SLC67A2: variants seen among roughly 807,000 people sequenced by gnomAD.
SLC67A2 encodes solute carrier family 67 member A2.
At chr2:102,725,261 C>T in the SLC67A2 span, among the ~76,000 whole-genome samples, 1 of 152,196 alleles carries the variant, frequency 6.6e-6, no homozygotes, top group Admixed American at 6.5e-5. Flanking sequence ...CCGTGGCTTG[C>T]TCCTGTTCAC....
At chr2:102,724,996 G>C in the SLC67A2 span, among the ~76,000 whole-genome samples, 1 of 152,204 alleles carries the variant, frequency 6.6e-6, no homozygotes, top group African/African-American at 2.4e-5. Flanking sequence ...GATTCTTTTT[G>C]AAATTGTATT....
chr2:102,725,182 G>A, the SLC67A2 span, among the ~76,000 whole-genome samples: 2 of 152,100 alleles, frequency 1.3e-5, no homozygotes, highest in Non-Finnish European at 1.5e-5. Flanking sequence ...TGAAGTCAGT[G>A]GTTCCTTTTT....
the SLC67A2 span, chr2:102,736,794 T>TGACCCCCAAGCTCCATACCC: frequency 6.2e-7 from 1 of 1,612,556 alleles, no homozygotes; most frequent in Non-Finnish European, 8.5e-7. Flanking sequence ...CATGTCCCAG[T>TGACCCCCAAGCTCCATACCC]GACCCCCAAG....
At chr2:102,728,274 C>T in the SLC67A2 span, among the ~76,000 whole-genome samples, 1 of 152,296 alleles carries the variant, frequency 6.6e-6, no homozygotes, top group Non-Finnish European at 1.5e-5. Flanking sequence ...ATGGGCTGGT[C>T]TCCATTAGTC....
the SLC67A2 span, among the ~76,000 whole-genome samples, chr2:102,723,047 A>T: frequency 6.6e-6 from 1 of 152,260 alleles, no homozygotes; most frequent in Non-Finnish European, 1.5e-5. Flanking sequence ...GAAAAACAAA[A>T]GGTGTTCAAT....
At chr2:102,723,746 A>C in the SLC67A2 span, 1 of 1,614,194 alleles carries the variant, frequency 6.2e-7, no homozygotes, top group Middle Eastern at 1.6e-4. Context: ...CTGTGAGATA[A>C]AACCCATCCT....
the SLC67A2 span, chr2:102,718,208 C>T: frequency 8.6e-6 from 5 of 579,770 alleles, no homozygotes; most frequent in Non-Finnish European, 1.5e-5. Context: ...AGCTTTGCTC[C>T]AGTCTTAACC....
chr2:102,718,764 T>A, the SLC67A2 span: 90 of 1,613,580 alleles, frequency 5.6e-5, 1 homozygote, highest in South Asian at 9.4e-4. Flanking sequence ...AGTGTGCAGG[T>A]GAGTATGCTG....
chr2:102,715,627 T>C, the SLC67A2 span, among the ~76,000 whole-genome samples: 4 of 152,096 alleles, frequency 2.6e-5, no homozygotes, highest in African/African-American at 9.7e-5. Context: ...CAAGCAGTTA[T>C]GGCTGGCAGA....
the SLC67A2 span, chr2:102,717,271 G>T: frequency 3.3e-5 from 5 of 152,112 alleles, no homozygotes; most frequent in African/African-American, 1.2e-4. Flanking sequence ...CTGACCAAGT[G>T]ATTCACCTGC....
the SLC67A2 span, among the ~76,000 whole-genome samples, chr2:102,720,305 T>G: frequency 1.3e-5 from 2 of 152,220 alleles, no homozygotes; most frequent in African/African-American, 4.8e-5. Flanking sequence ...ATGTGGACTT[T>G]TAATAATTCA....
chr2:102,731,967 C>T, the SLC67A2 span: 1 of 355,484 alleles, frequency 2.8e-6, no homozygotes, highest in East Asian at 8.0e-5. Flanking sequence ...ATTATGTTTC[C>T]CTGGTCTCTC....
the SLC67A2 span, among the ~76,000 whole-genome samples, chr2:102,724,582 T>G: frequency 6.6e-6 from 1 of 152,236 alleles, no homozygotes; most frequent in Non-Finnish European, 1.5e-5. Flanking sequence ...ACCCCCCACG[T>G]GCAGAACAAC....
the SLC67A2 span, among the ~76,000 whole-genome samples, chr2:102,727,167 A>G: frequency 9.2e-5 from 14 of 152,230 alleles, no homozygotes; most frequent in African/African-American, 3.4e-4. Context: ...ATGGAAAAAC[A>G]CAATGTATTT....
chr2:102,718,597 C>G, the SLC67A2 span: 14 of 1,613,428 alleles, frequency 8.7e-6, no homozygotes, highest in Non-Finnish European at 8.5e-6. Context: ...CAGTCACAGA[C>G]TGCCCCACGC....
the SLC67A2 span, among the ~76,000 whole-genome samples, chr2:102,719,401 G>A: frequency 2.6e-5 from 4 of 152,012 alleles, no homozygotes; most frequent in Non-Finnish European, 5.9e-5. Context: ...TCTGGCAAAA[G>A]ACTCTTTGCC....
At chr2:102,718,601 C>T in the SLC67A2 span, 2 of 1,613,370 alleles carry the variant, frequency 1.2e-6, no homozygotes, top group African/African-American at 2.7e-5. Context: ...CACAGACTGC[C>T]CCACGCCAAT....
the SLC67A2 span, chr2:102,723,806 A>G: frequency 1.1e-4 from 180 of 1,614,040 alleles, no homozygotes; most frequent in Non-Finnish European, 1.5e-4. Flanking sequence ...TGAAGCCCAC[A>G]CCGGAGGCTG....
the SLC67A2 span, among the ~76,000 whole-genome samples, chr2:102,732,949 C>T: frequency 2.8e-4 from 42 of 152,320 alleles, no homozygotes; most frequent in African/African-American, 8.9e-4. Context: ...TCAATTCCAC[C>T]TCCATCACTT....
Sources: gnomAD v4.1 joint callset for allele counts (sites outside exome capture counted in the v4.1 genomes callset) on GRCh38, gnomAD v4.1.1 for gene constraint, MANE v1.5 for transcripts, NCBI Gene and HGNC (gene_info 2026-07-23, HGNC 2026-07-21) for gene names.